The following KCNJ3 variants were observed in gnomAD, a reference collection of about 807,000 sequenced individuals.
KCNJ3 encodes G protein-activated inward rectifier potassium channel 1.
A neutral mutation model predicts 39.2 loss-of-function variants in KCNJ3; 4 were observed. The ratio of observed to expected loss-of-function variants is 0.10; its 90% CI spans 0.05 to 0.23. KCNJ3 has a LOEUF of 0.23. KCNJ3 is among the 10% of genes least tolerant of loss of function. KCNJ3 has a pLI of 1.00. For missense variants in KCNJ3, 276 were observed against 634.9 expected (o/e 0.43, Z 6.08); for synonymous variants, 230 against 237.4 (o/e 0.97, Z 0.29).
intron 2 of KCNJ3, among the ~76,000 whole-genome samples, chr2:154,843,198 C>T (rs544057084): frequency 2.6e-5 from 4 of 152,272 alleles, no homozygotes; most frequent in African/African-American, 7.2e-5. Context: ...ACTTATGAAG[C>T]TTAGTTTGGC....
At chr2:154,829,140 A>G (rs1489220958) in intron 2 of KCNJ3, among the ~76,000 whole-genome samples, 1 of 152,146 alleles carries the variant, frequency 6.6e-6, no homozygotes, top group African/African-American at 2.4e-5. Flanking sequence ...TATAACTGAT[A>G]TTGTAGGTTC....
chr2:154,838,298 A>T (rs1687504062), intron 2 of KCNJ3, among the ~76,000 whole-genome samples: 1 of 152,184 alleles, frequency 6.6e-6, no homozygotes, highest in South Asian at 2.1e-4. Flanking sequence ...GGAAAAGTCA[A>T]TAATTTATGA....
intron 2 of KCNJ3, among the ~76,000 whole-genome samples, chr2:154,766,057 T>C (rs1048639850): frequency 1.3e-5 from 2 of 152,236 alleles, no homozygotes; most frequent in Non-Finnish European, 2.9e-5. Flanking sequence ...TTAAGTGTAC[T>C]AGTTTTTAAA....
intron 2 of KCNJ3, among the ~76,000 whole-genome samples, chr2:154,827,127 A>C (rs779888901): frequency 6.6e-6 from 1 of 152,142 alleles, no homozygotes; most frequent in Non-Finnish European, 1.5e-5. Context: ...TCCCAGCTTA[A>C]TAAGTCTGTT....
intron 2 of KCNJ3, among the ~76,000 whole-genome samples, chr2:154,714,215 C>T (rs115308601): frequency 6.6e-6 from 1 of 152,092 alleles, no homozygotes; most frequent in African/African-American, 2.4e-5. Context: ...TGACTCCTTT[C>T]TATTTGCTCT....
chr2:154,699,563 C>T lies in KCNJ3; in HGVS notation c.702+86C>T. 1 of 1,478,632 alleles carries T rather than the reference C, an allele frequency of 6.8e-7. No homozygotes were observed. The highest frequency in any genetic ancestry group is 9.0e-7 in the Non-Finnish European group (1 of 1,116,334). The allele number at this position is 1,478,632 out of a possible 1,614,324, so 91.6% of individuals were successfully genotyped here. A position where few individuals can be genotyped will look rare whatever the true frequency, so the allele number is the denominator to read the frequency against. On this transcript the variant is annotated intron_variant, in intron 1 of 2. Coordinates refer to ENST00000295101, the MANE Select transcript of KCNJ3 (RefSeq NM_002239.4). The surrounding 1 kb of genome is among the most constrained non-coding windows in gnomAD (Gnocchi z 6.4). ...CTCGTCTGAGAACCAGCCCGGGCCCCCTCCCCTGGTTCTACCTATAGCCAC... is the reference window on the plus strand; with the variant it reads ...CTCGTCTGAGAACCAGCCCGGGCCCTCTCCCCTGGTTCTACCTATAGCCAC...
chr2:154,778,189 A>G (rs1686372513), intron 2 of KCNJ3, among the ~76,000 whole-genome samples: 1 of 152,180 alleles, frequency 6.6e-6, no homozygotes, highest in Non-Finnish European at 1.5e-5. Context: ...TTCAGTTTTT[A>G]TGACCAAATG....
At chr2:154,750,901 C>A (rs1000498645) in intron 2 of KCNJ3, among the ~76,000 whole-genome samples, 25 of 151,840 alleles carry the variant, frequency 1.6e-4, no homozygotes, top group South Asian at 1.2e-3. Context: ...TTATTTTTCT[C>A]CAGAAAAACT....
chr2:154,832,083 C>CTT (rs369870756), intron 2 of KCNJ3, among the ~76,000 whole-genome samples: 12 of 152,158 alleles, frequency 7.9e-5, no homozygotes, highest in African/African-American at 2.9e-4. Flanking sequence ...AGAGTGAGAA[C>CTT]TTACCACCAA....
chr2:154,784,337 C>T (rs1225922143), intron 2 of KCNJ3, among the ~76,000 whole-genome samples: 1 of 152,138 alleles, frequency 6.6e-6, no homozygotes, highest in East Asian at 1.9e-4. Flanking sequence ...GTAATAAAGA[C>T]AGGTTAACAG....
chr2:154,701,930 T>C (rs3111030), intron 1 of KCNJ3, among the ~76,000 whole-genome samples: 4,307 of 152,098 alleles, frequency 0.028, 53 homozygotes, highest in African/African-American at 0.037. Context: ...ATTGCTGTAG[T>C]TCCTGTTATT....
chr2:154,774,064 T>C (rs1341429063), intron 2 of KCNJ3, among the ~76,000 whole-genome samples: 2 of 152,200 alleles, frequency 1.3e-5, no homozygotes, highest in Non-Finnish European at 2.9e-5. Context: ...AAGATGCATA[T>C]TGCTCTCCTA....
intron 2 of KCNJ3, among the ~76,000 whole-genome samples, chr2:154,754,339 G>A (rs888555063): frequency 3.3e-5 from 5 of 151,904 alleles, no homozygotes; most frequent in Admixed American, 6.6e-5. Flanking sequence ...GTGCGATCTC[G>A]GCTCACTGCA....
chr2:154,768,114 A>C (rs1404844824), intron 2 of KCNJ3, among the ~76,000 whole-genome samples: 1 of 151,954 alleles, frequency 6.6e-6, no homozygotes, highest in Non-Finnish European at 1.5e-5. Context: ...AGATTGCAAA[A>C]ATTTTCTCCC....
chr2:154,807,439 A>G (rs570727967), intron 2 of KCNJ3, among the ~76,000 whole-genome samples: 25 of 152,308 alleles, frequency 1.6e-4, no homozygotes, highest in African/African-American at 6.0e-4. Context: ...AATGCCTCTG[A>G]TGTGGCTTCC....
chr2:154,719,048 T>G (rs3106653), intron 2 of KCNJ3, among the ~76,000 whole-genome samples: 41,013 of 151,736 alleles, frequency 0.27, 5,748 homozygotes, highest in South Asian at 0.3. Context: ...ATTTCCAGAG[T>G]TTTTTCAAGA....
chr2:154,757,043 A>G (rs1685950488), intron 2 of KCNJ3, among the ~76,000 whole-genome samples: 1 of 152,120 alleles, frequency 6.6e-6, no homozygotes, highest in Admixed American at 6.6e-5. Context: ...AGAAATAAAA[A>G]ATGAATTTAA....
intron 2 of KCNJ3, among the ~76,000 whole-genome samples, chr2:154,851,237 A>C (rs950139571): frequency 6.6e-6 from 1 of 152,040 alleles, no homozygotes; most frequent in African/African-American, 2.4e-5. Context: ...ACAAGAGCCC[A>C]TCTGAAAAAA....
intron 2 of KCNJ3, among the ~76,000 whole-genome samples, chr2:154,738,510 C>G (rs1685589548): frequency 6.6e-6 from 1 of 151,946 alleles, no homozygotes; most frequent in African/African-American, 2.4e-5. Flanking sequence ...AATCCTATAT[C>G]AAAACATCTC....
Sources: gnomAD v4.1 joint callset for allele counts (sites outside exome capture counted in the v4.1 genomes callset) on GRCh38, gnomAD v4.1.1 for gene constraint, Gnocchi (gnomAD v3.1) non-coding constraint, MANE v1.5 for transcripts, NCBI Gene and HGNC (gene_info 2026-07-23, HGNC 2026-07-21) for gene names.